ANKHD1: variants seen among roughly 807,000 people sequenced by gnomAD.
ANKHD1 encodes the protein ankyrin repeat and KH domain-containing protein 1.
In ANKHD1, 31 loss-of-function variants were observed where a neutral mutation model predicts 230.5. The ratio of observed to expected loss-of-function variants is 0.13; its 90% CI spans 0.10 to 0.18. ANKHD1 has a LOEUF of 0.18. ANKHD1 is among the 10% of genes least tolerant of loss of function. The probability of loss-of-function intolerance (pLI) is 1.00; values close to 1 mark genes in which losing one functional copy is unlikely to be tolerated. For missense variants in ANKHD1, 2,256 were observed against 3,071.3 expected (o/e 0.73, Z 6.27); for synonymous variants, 1,074 against 1,117.6 (o/e 0.96, Z 0.78).
At chr5:140,524,973 T>C in intron 25 of ANKHD1, 1 of 338,604 alleles carries the variant, frequency 3.0e-6, no homozygotes, top group South Asian at 2.2e-5. Context: ...AGCCTGGGAT[T>C]ACAGGCGTGG....
chr5:140,485,448 A>G lies in ANKHD1; in HGVS notation c.1999-141A>G. On this transcript the variant is annotated intron_variant, in intron 12 of 33. Transcript: ENST00000360839. This position sits in a 1 kb window ranked among gnomAD's most constrained non-coding sequence, Gnocchi z 4.8. ...CACACGTATGTATGTGTATATATAT[A>G]TAAATAATATGTGTATAGTTATAAA... The G allele has an allele frequency of 4.6e-6, 5 of 1,085,524 alleles. No homozygotes were observed. Among genetic ancestry groups the G allele is most frequent in the Non-Finnish European group, 6.2e-6 (5 of 800,836 alleles). The allele number at this position is 1,085,524 out of a possible 1,614,324, so 67.2% of individuals were successfully genotyped here.
intron 24 of ANKHD1, among the ~76,000 whole-genome samples, chr5:140,514,640 A>C (rs1752912010): frequency 6.6e-6 from 1 of 152,192 alleles, no homozygotes; most frequent in African/African-American, 2.4e-5. Flanking sequence ...ATATATTTTG[A>C]GCCCAAATAT....
intron 22 of ANKHD1, among the ~76,000 whole-genome samples, chr5:140,512,590 A>G (rs569019825): frequency 6.6e-6 from 1 of 152,260 alleles, no homozygotes; most frequent in South Asian, 2.1e-4. Context: ...CTGAGCACAC[A>G]TTCTTGTCTT....
intron 5 of ANKHD1, among the ~76,000 whole-genome samples, chr5:140,442,162 C>G (rs1184017870): frequency 6.7e-6 from 1 of 149,064 alleles, no homozygotes; most frequent in Non-Finnish European, 1.5e-5. Context: ...GCCTCAGTTT[C>G]CCAAGTAGCT....
At chr5:140,504,330 G>A (rs532237603) in intron 15 of ANKHD1, among the ~76,000 whole-genome samples, 26 of 152,252 alleles carry the variant, frequency 1.7e-4, no homozygotes, top group Non-Finnish European at 3.5e-4. Flanking sequence ...GGGATTACAG[G>A]CGTGGGCCAC....
At chr5:140,537,612 C>G in intron 31 of ANKHD1, 23 bp downstream of exon 31, 4 of 1,514,262 alleles carry the variant, frequency 2.6e-6, no homozygotes, top group Non-Finnish European at 3.5e-6. Context: ...TGCTCTCTCT[C>G]TGGAGGGATA....
At chr5:140,519,230 A>G (rs187822853) in intron 24 of ANKHD1, among the ~76,000 whole-genome samples, 27 of 152,328 alleles carry the variant, frequency 1.8e-4, no homozygotes, top group African/African-American at 4.8e-4. Context: ...AGGGATGTAA[A>G]GGACCTCTTC....
At chr5:140,455,952 T>C (rs1775148601) in intron 7 of ANKHD1, among the ~76,000 whole-genome samples, 2 of 152,242 alleles carry the variant, frequency 1.3e-5, no homozygotes, top group African/African-American at 4.8e-5. Flanking sequence ...CATGATTGTA[T>C]ATTTAGAAAA....
intron 24 of ANKHD1, among the ~76,000 whole-genome samples, chr5:140,518,707 T>G (rs906612078): frequency 1.1e-4 from 17 of 152,160 alleles, no homozygotes; most frequent in Non-Finnish European, 8.8e-5. Flanking sequence ...TCTCAATAGA[T>G]GCAGAAAAGG....
chr5:140,447,178 C>G lies in ANKHD1; in HGVS notation c.1147+1203C>G, dbSNP rs181417073. On this transcript the variant is annotated intron_variant, in intron 6 of 33. Coordinates refer to ENST00000360839, the MANE Select transcript of ANKHD1 (RefSeq NM_017747.3). Reference sequence around the variant, plus strand: ...TTGGCCTCCTAAAGTGCTGGGGTTACAGGCATGAACCACCGTGCCTGGCCT... The same window carrying G: ...TTGGCCTCCTAAAGTGCTGGGGTTAGAGGCATGAACCACCGTGCCTGGCCT... Among the ~76,000 whole-genome samples, 366 of 152,232 alleles carry G rather than the reference C, an allele frequency of 2.4e-3. No homozygotes were observed. In the Middle Eastern group the frequency reaches 0.034, roughly 14 times the overall value.
At chr5:140,532,810 A>C (rs1753891325) in intron 29 of ANKHD1, 1 of 433,668 alleles carries the variant, frequency 2.3e-6, no homozygotes, top group African/African-American at 2.1e-5. Flanking sequence ...CATGATCTTT[A>C]AAAGCTATCA....
chr5:140,493,210 C>T (rs1378607926), intron 14 of ANKHD1, among the ~76,000 whole-genome samples: 3 of 152,098 alleles, frequency 2.0e-5, no homozygotes, highest in Admixed American at 6.6e-5. Flanking sequence ...TACAAGCATG[C>T]GCCACCACAC....
chr5:140,516,875 C>T (rs1219133469), intron 24 of ANKHD1, among the ~76,000 whole-genome samples: 1 of 151,792 alleles, frequency 6.6e-6, no homozygotes, highest in Non-Finnish European at 1.5e-5. Context: ...GAAGAAACTG[C>T]ATCAACTAAC....
At chr5:140,505,054 A>C in intron 16 of ANKHD1, 68 bp from the exon 17 acceptor site, 1 of 1,603,226 alleles carries the variant, frequency 6.2e-7, no homozygotes, top group Non-Finnish European at 8.5e-7. Context: ...GTGAAAAGAA[A>C]TATTATTTGC....
At chr5:140,452,763 G>A (rs1281210618) in intron 7 of ANKHD1, among the ~76,000 whole-genome samples, 1 of 152,028 alleles carries the variant, frequency 6.6e-6, no homozygotes, top group East Asian at 1.9e-4. Context: ...CCACAAAGAT[G>A]GGGAAAAAAC....
chr5:140,436,286 A>G, intron 2 of ANKHD1, 29 bp downstream of exon 2: 4 of 1,496,326 alleles, frequency 2.7e-6, no homozygotes, highest in Non-Finnish European at 2.7e-6. Context: ...TATCTTTTTC[A>G]TATCTTTAAA....
intron 2 of ANKHD1, among the ~76,000 whole-genome samples, chr5:140,438,160 A>G (rs1017706195): frequency 2.0e-5 from 3 of 152,210 alleles, no homozygotes; most frequent in African/African-American, 7.2e-5. Context: ...ATTTTGAAAG[A>G]AATCTCATTT....
chr5:140,519,465 G>A (rs1251622548), intron 24 of ANKHD1, among the ~76,000 whole-genome samples: 3 of 152,086 alleles, frequency 2.0e-5, no homozygotes, highest in African/African-American at 7.2e-5. Context: ...AGCCCACATC[G>A]CCAAGTCAGT....
chr5:140,465,116 TTGAG>T, intron 10 of ANKHD1: 1 of 158,908 alleles, frequency 6.3e-6, no homozygotes, highest in South Asian at 1.9e-4. Context: ...TCAAGTCACT[TTGAG>T]TGATTTATTA....
Sources: gnomAD v4.1 joint callset for allele counts (sites outside exome capture counted in the v4.1 genomes callset) on GRCh38, gnomAD v4.1.1 for gene constraint, Gnocchi (gnomAD v3.1) non-coding constraint, MANE v1.5 for transcripts, NCBI Gene and HGNC (gene_info 2026-07-23, HGNC 2026-07-21) for gene names.